CORIN: variants seen among roughly 807,000 people sequenced by gnomAD.
CORIN encodes corin, serine peptidase.
A neutral mutation model predicts 125.3 loss-of-function variants in CORIN; 117 were observed. The ratio of observed to expected loss-of-function variants is 0.93; its 90% CI spans 0.80 to 1.09. The LOEUF is 1.09. Ranked by LOEUF, CORIN falls within the 50% of genes least tolerant of loss-of-function variation. CORIN has a pLI of 0.00. For missense variants in CORIN, 1,253 were observed against 1,306.7 expected, an observed-to-expected ratio of 0.96 and a Z score of 0.63; for synonymous variants, 450 against 466.4, an observed-to-expected ratio of 0.96 and a Z score of 0.45.
chr4:47,770,449 A>G (rs561748221), intron 3 of CORIN, among the ~76,000 whole-genome samples: 1 of 152,288 alleles, frequency 6.6e-6, no homozygotes, highest in East Asian at 1.9e-4. Context: ...TGTAGCCATT[A>G]TGGAAGACAG....
At chr4:47,831,874 T>C (rs190690788) in intron 1 of CORIN, among the ~76,000 whole-genome samples, 25 of 152,130 alleles carry the variant, frequency 1.6e-4, no homozygotes, top group Non-Finnish European at 2.6e-4. Flanking sequence ...CTGATGTTCT[T>C]ATAATAAGAG....
At chr4:47,596,358 G>C (rs1480131275) in intron 21 of CORIN, among the ~76,000 whole-genome samples, 1 of 152,064 alleles carries the variant, frequency 6.6e-6, no homozygotes, top group East Asian at 1.9e-4. Context: ...CAAGATTCTT[G>C]CTTTGTGAAT....
At chr4:47,806,814 G>A in intron 2 of CORIN, 89 bp downstream of exon 2, 1 of 1,366,942 alleles carries the variant, frequency 7.3e-7, no homozygotes, top group South Asian at 1.6e-5. Flanking sequence ...GACACTTTGG[G>A]TTAAATAAGT....
intron 3 of CORIN, among the ~76,000 whole-genome samples, chr4:47,775,178 TTTG>T (rs1353127693): frequency 3.3e-5 from 5 of 151,976 alleles, no homozygotes; most frequent in African/African-American, 4.8e-5. Flanking sequence ...GGCATGCTTT[TTTG>T]TTGTTGTTTT....
rs1268912585 is a variant in CORIN, at chr4:47,594,966, A to G, written c.*755T>C. On this transcript the variant is annotated 3_prime_UTR_variant, in exon 22 of 22. Coordinates refer to ENST00000273857, the MANE Select transcript of CORIN (RefSeq NM_006587.4). ...CCAATAATGTCAAGTGTTAATATTG[A>G]TATCTAAAGAACTTTGCATTCAATA... is the stretch of plus-strand genomic sequence containing the variant. The G allele has an allele frequency of 2.0e-5, 3 of 152,212 alleles. No homozygotes were observed. The highest frequency in any genetic ancestry group is 7.2e-5 in the African/African-American group (3 of 41,462). 9.4% of individuals were successfully genotyped at this position (152,212 alleles called of 1,614,324 possible). A position where few individuals can be genotyped will look rare whatever the true frequency, so the allele number is the denominator to read the frequency against.
In CORIN at chr4:47,678,073, A is replaced by G. The variant is rs773738301; in HGVS notation, c.1133-19T>C. On this transcript the variant is annotated intron_variant, in intron 8 of 21. Transcript: ENST00000273857. ...TGACAGGCTAGGAAGGACCATAACA[A>G]TATTCACTTTATTTATTAATTCTTC... The G allele has an allele frequency of 1.3e-6, 2 of 1,499,694 alleles. No homozygotes were observed. Among genetic ancestry groups the G allele is most frequent in the African/African-American group, 2.8e-5 (2 of 72,362 alleles). 92.9% of individuals were successfully genotyped at this position (1,499,694 alleles called of 1,614,324 possible).
chr4:47,823,799 T>C (rs1471669071), intron 1 of CORIN, among the ~76,000 whole-genome samples: 1 of 152,210 alleles, frequency 6.6e-6, no homozygotes, highest in Non-Finnish European at 1.5e-5. Flanking sequence ...GTGGGCGCCA[T>C]GCTCACCCTG....
Position 47,594,658 on chromosome 4 carries a change from G to A in CORIN, c.*1063C>T, listed in dbSNP as rs1382554336. The stretch of plus-strand genomic sequence containing the variant: ...ATGCTCTTTATGACTTTGTTGGTAT[G>A]GATGAACGCAAGAAAACTGAAAAAT... On this transcript the variant is annotated 3_prime_UTR_variant, in exon 22 of 22. Transcript: ENST00000273857. 6.6e-6 allele frequency: 1 copy of A among 152,110 alleles called. No homozygotes were observed. The highest frequency in any genetic ancestry group is 1.5e-5 in the Non-Finnish European group (1 of 68,014). 9.4% of individuals were successfully genotyped at this position (152,110 alleles called of 1,614,324 possible).
intron 19 of CORIN, among the ~76,000 whole-genome samples, chr4:47,622,664 G>A (rs1467103996): frequency 6.6e-6 from 1 of 152,098 alleles, no homozygotes; most frequent in South Asian, 2.1e-4. Context: ...AGAAGTGTCT[G>A]TTCATGTCCT....
At chr4:47,781,612 T>C (rs568347165) in intron 3 of CORIN, among the ~76,000 whole-genome samples, 4 of 152,210 alleles carry the variant, frequency 2.6e-5, no homozygotes, top group African/African-American at 7.2e-5. Context: ...TATAAGGATA[T>C]AACTCCATAA....
chr4:47,744,675 G>T (rs1728582693), intron 4 of CORIN, 92 bp from the exon 5 acceptor site: 3 of 1,207,770 alleles, frequency 2.5e-6, no homozygotes, highest in African/African-American at 1.5e-5. Flanking sequence ...CCTGTGTTGT[G>T]ATATTATCTT....
At chr4:47,665,470 T>C (rs1410627489) in intron 10 of CORIN, among the ~76,000 whole-genome samples, 2 of 152,238 alleles carry the variant, frequency 1.3e-5, no homozygotes, top group African/African-American at 2.4e-5. Flanking sequence ...TTTCTGTATA[T>C]GTAGTTGCTA....
intron 2 of CORIN, among the ~76,000 whole-genome samples, chr4:47,790,950 C>A (rs1026937176): frequency 1.3e-5 from 2 of 151,886 alleles, no homozygotes; most frequent in African/African-American, 4.8e-5. Flanking sequence ...GTATATAATT[C>A]TAATAATAAT....
chr4:47,744,218 G>C (rs568772882), intron 5 of CORIN, among the ~76,000 whole-genome samples, 184 bp downstream of exon 5: 1 of 151,712 alleles, frequency 6.6e-6, no homozygotes, highest in Admixed American at 6.6e-5. Context: ...GACAGGCAGC[G>C]GGCTTGAAGG....
chr4:47,766,532 T>C lies in CORIN; in HGVS notation c.410-2946A>G, dbSNP rs1274603030. 7.9e-5 allele frequency among the ~76,000 whole-genome samples: 12 copies of C among 152,236 alleles called. No homozygotes were observed. The South Asian group carries it at 2.5e-3, about 32-fold the overall frequency. ...AGGCTAGGATTATTCCAGTTTGACA[T>C]GTGCCCAGATAAAAATGGGGAGTGG... On this transcript the variant is annotated intron_variant, in intron 3 of 21. Coordinates refer to ENST00000273857, the MANE Select transcript of CORIN (RefSeq NM_006587.4).
intron 3 of CORIN, among the ~76,000 whole-genome samples, chr4:47,785,304 C>T (rs1730737325): frequency 6.6e-6 from 1 of 152,222 alleles, no homozygotes; most frequent in African/African-American, 2.4e-5. Context: ...TCCACTCCCA[C>T]CGAGTATTCT....
intron 5 of CORIN, among the ~76,000 whole-genome samples, chr4:47,733,752 T>C (rs1387113072): frequency 6.6e-6 from 1 of 152,198 alleles, no homozygotes; most frequent in Non-Finnish European, 1.5e-5. Flanking sequence ...TGACGAACAG[T>C]TCCCACAGCA....
intron 11 of CORIN, among the ~76,000 whole-genome samples, chr4:47,662,667 C>T (rs1265182794): frequency 1.3e-5 from 2 of 151,728 alleles, no homozygotes; most frequent in Admixed American, 6.6e-5. Context: ...GGCCAATATA[C>T]TCTTAATGGA....
At position 47,652,910 on chromosome 4, in the gene CORIN, G is replaced by A. The variant is rs1560490178; in HGVS notation, c.1843+643C>T. 5.3e-5 allele frequency among the ~76,000 whole-genome samples: 8 copies of A among 152,096 alleles called. No homozygotes were observed. The South Asian group carries it at 1.7e-3, about 32-fold the overall frequency. On this transcript the variant is annotated intron_variant, in intron 13 of 21. Transcript: ENST00000273857. ...TTCTGGCTTTAAAACTGATAACAAT[G>A]GCTTTATAATTTAATAATAAAAATA...
Sources: gnomAD v4.1 joint callset for allele counts (sites outside exome capture counted in the v4.1 genomes callset) on GRCh38, gnomAD v4.1.1 for gene constraint, MANE v1.5 for transcripts, NCBI Gene and HGNC (gene_info 2026-07-23, HGNC 2026-07-21) for gene names.